Variants in RASGEF1A observed in about 807,000 individuals in gnomAD.
The protein encoded by RASGEF1A is RasGEF domain family member 1A.
RASGEF1A carries 18 observed loss-of-function variants against 56.4 expected under a neutral mutation model. That is an observed-to-expected ratio of 0.32 (90% CI 0.22 to 0.47). RASGEF1A has a LOEUF of 0.47. RASGEF1A is among the 20% of genes least tolerant of loss of function. The probability of loss-of-function intolerance (pLI) is 1.00; values close to 1 mark genes in which losing one functional copy is unlikely to be tolerated. For synonymous variants in RASGEF1A, 245 were observed against 242.6 expected (o/e 1.01, Z -0.09); for missense variants, 422 against 627.1 (o/e 0.67, Z 3.49).
At chr10:43,209,421 T>C (rs1170416057) in intron 1 of RASGEF1A, among the ~76,000 whole-genome samples, 2 of 152,202 alleles carry the variant, frequency 1.3e-5, no homozygotes, top group East Asian at 3.9e-4. Flanking sequence ...ACCACCTGTC[T>C]TGGCTATGTC....
Position 43,218,781 on chromosome 10 carries a change from G to A in RASGEF1A, c.-6-12659C>T, listed in dbSNP as rs56218716. Among the ~76,000 whole-genome samples the A allele has an allele frequency of 3.1e-3, 473 of 152,398 alleles. 3 individuals are homozygous for A. The highest frequency in any genetic ancestry group is 5.2e-3 in the Non-Finnish European group (356 of 68,038). On this transcript the variant is annotated intron_variant, in intron 1 of 12. Transcript: ENST00000395810. Reference sequence around the variant, plus strand: ...CTGCCATGGGAACCAGCACGACAGCGCCTCACAGGGCGCCCGCTCCAGAGG... The same window carrying A: ...CTGCCATGGGAACCAGCACGACAGCACCTCACAGGGCGCCCGCTCCAGAGG...
At position 43,242,586 on chromosome 10, in the gene RASGEF1A, G is replaced by A. The variant is rs894686504; in HGVS notation, c.-7+24259C>T. Among the ~76,000 whole-genome samples, 31 of 152,014 alleles carry A rather than the reference G, an allele frequency of 2.0e-4. 1 individual carries two copies. Among genetic ancestry groups the A allele is most frequent in the Admixed American group, 2.6e-4 (4 of 15,272 alleles). On this transcript the variant is annotated intron_variant, in intron 1 of 12. Transcript: ENST00000395810. ...CTCCCTCTCTTGCAGAGCCTGGACT[G>A]TACTGCCATGATCTCGGCTCGCTGC...
intron 1 of RASGEF1A, among the ~76,000 whole-genome samples, chr10:43,227,715 C>T (rs1160557337): frequency 6.6e-6 from 1 of 152,124 alleles, no homozygotes; most frequent in Non-Finnish European, 1.5e-5. Flanking sequence ...CTCTAGACTG[C>T]CCACACCACT....
At chr10:43,198,835 G>A in intron 9 of RASGEF1A, 98 bp downstream of exon 9, 1 of 1,112,214 alleles carries the variant, frequency 9.0e-7, no homozygotes, top group Non-Finnish European at 1.4e-6. Context: ...CCCAGGGAGA[G>A]GAGGGCAGCC....
intron 1 of RASGEF1A, among the ~76,000 whole-genome samples, chr10:43,254,549 T>C (rs1840666176): frequency 6.6e-6 from 1 of 152,228 alleles, no homozygotes; most frequent in African/African-American, 2.4e-5. Context: ...TGGTCTACTG[T>C]TGCAGGGCCC....
At chr10:43,239,110 C>T (rs1186001799) in intron 1 of RASGEF1A, among the ~76,000 whole-genome samples, 2 of 152,212 alleles carry the variant, frequency 1.3e-5, no homozygotes, top group Non-Finnish European at 2.9e-5. Flanking sequence ...CAACTCCATA[C>T]GTTCTGTGGC....
chr10:43,206,981 G>T (rs1840004746), intron 1 of RASGEF1A: 3 of 985,398 alleles, frequency 3.0e-6, no homozygotes, highest in Non-Finnish European at 1.2e-6. Flanking sequence ...GGGGCTCAGG[G>T]TCTCACCACA....
intron 1 of RASGEF1A, among the ~76,000 whole-genome samples, chr10:43,231,127 G>A (rs1007556614): frequency 3.9e-5 from 6 of 152,250 alleles, no homozygotes; most frequent in Non-Finnish European, 8.8e-5. Context: ...TGGCCCTCCA[G>A]CTTTCACAAT....
intron 1 of RASGEF1A, among the ~76,000 whole-genome samples, chr10:43,228,578 G>A (rs748415928): frequency 2.6e-5 from 4 of 152,222 alleles, no homozygotes; most frequent in Non-Finnish European, 5.9e-5. Context: ...GCTGACACCA[G>A]TGAGTGGAAA....
At chr10:43,200,403 C>T (rs1051053166) in intron 5 of RASGEF1A, 147 bp from the exon 6 acceptor site, 4 of 716,904 alleles carry the variant, frequency 5.6e-6, no homozygotes, top group Non-Finnish European at 9.5e-6. Context: ...CCTAGGGCCA[C>T]TGCAGTCCCC....
chr10:43,198,328 C>T (rs1484304330), intron 9 of RASGEF1A, 133 bp from the exon 10 acceptor site: 12 of 741,496 alleles, frequency 1.6e-5, no homozygotes, highest in South Asian at 4.5e-5. Flanking sequence ...GGAGTTAGCA[C>T]GGGGGAGGGG....
In RASGEF1A at chr10:43,262,245, T is replaced by A. The variant is rs147251648; in HGVS notation, c.-7+4600A>T. On this transcript the variant is annotated intron_variant, in intron 1 of 12. Coordinates refer to ENST00000395810, the MANE Select transcript of RASGEF1A (RefSeq NM_145313.4). ...CCTCTCCCAGCTCCCGCCAGCCTCC[T>A]CCACGGAAGCTACTCTTTGTTAACA... is the stretch of plus-strand genomic sequence containing the variant. Among the ~76,000 whole-genome samples the A allele has an allele frequency of 2.5e-3, 382 of 152,146 alleles. 2 individuals carry two copies. The highest frequency in any genetic ancestry group is 8.7e-3 in the African/African-American group (361 of 41,500).
At chr10:43,202,087 T>C in intron 3 of RASGEF1A, 142 bp from the exon 4 acceptor site, 1 of 861,228 alleles carries the variant, frequency 1.2e-6, no homozygotes, top group Non-Finnish European at 1.7e-6. Flanking sequence ...CCACCTGCGG[T>C]TTGGCCAAAC....
chr10:43,200,638 C>T (rs1254963), intron 5 of RASGEF1A, 29 bp downstream of exon 5: 293,826 of 1,586,394 alleles, frequency 0.19, 31,192 homozygotes, highest in East Asian at 0.5. Context: ...CAGCCCCCAC[C>T]CCCAGTCAGG....
intron 1 of RASGEF1A, among the ~76,000 whole-genome samples, chr10:43,233,062 A>C (rs1840392330): frequency 6.8e-6 from 1 of 146,562 alleles, no homozygotes; most frequent in Non-Finnish European, 1.5e-5. Context: ...CCCCACCCCG[A>C]CAGGCCACCT....
At chr10:43,263,788 C>G (rs1032343073) in intron 1 of RASGEF1A, among the ~76,000 whole-genome samples, 1 of 152,200 alleles carries the variant, frequency 6.6e-6, no homozygotes, top group South Asian at 2.1e-4. Flanking sequence ...CAAAGGCACC[C>G]ATGTGCTTCC....
At chr10:43,218,285 G>C (rs1178366894) in intron 1 of RASGEF1A, among the ~76,000 whole-genome samples, 1 of 152,230 alleles carries the variant, frequency 6.6e-6, no homozygotes, top group Non-Finnish European at 1.5e-5. Context: ...CCATGCAAGG[G>C]ACAGCCAGTG....
At chr10:43,256,093 A>C (rs1235638099) in intron 1 of RASGEF1A, among the ~76,000 whole-genome samples, 1 of 152,176 alleles carries the variant, frequency 6.6e-6, no homozygotes, top group Non-Finnish European at 1.5e-5. Flanking sequence ...ACTGTGCAGG[A>C]GGAGGCCCCC....
intron 3 of RASGEF1A, chr10:43,202,743 C>G (rs1193154072): frequency 1.7e-5 from 8 of 466,296 alleles, no homozygotes; most frequent in African/African-American, 1.2e-4. Flanking sequence ...CCAGCCTAGG[C>G]CCCCCACCAC....
Sources: allele counts gnomAD v4.1 joint callset (sites outside exome capture counted in the v4.1 genomes callset), GRCh38; gene constraint gnomAD v4.1.1; transcripts MANE v1.5; gene names NCBI Gene and HGNC (gene_info 2026-07-23, HGNC 2026-07-21).